FLI1: variants seen among roughly 807,000 people sequenced by gnomAD.
FLI1 encodes the protein Fli-1 proto-oncogene, ETS transcription factor.
A neutral mutation model predicts 53.1 loss-of-function variants in FLI1; 13 were observed. The ratio of observed to expected loss-of-function variants is 0.24; its 90% CI spans 0.16 to 0.39. The LOEUF (loss-of-function observed/expected upper bound fraction) is 0.39. Among genes scored for constraint, FLI1 ranks in the 10% least tolerant of loss-of-function variants. FLI1 has a pLI of 1.00. For synonymous variants in FLI1, 244 were observed against 236.7 expected, an observed-to-expected ratio of 1.03 and a Z score of -0.28; for missense variants, 424 against 600.5, an observed-to-expected ratio of 0.71 and a Z score of 3.07.
Position 128,810,865 on chromosome 11 carries a change from C to T in FLI1, c.1236C>T (p.Ser412=), listed in dbSNP as rs367970398. 51 of 1,614,086 alleles carry T rather than the reference C, an allele frequency of 3.2e-5. No homozygotes were observed. In the African/African-American group the frequency reaches 3.6e-4, roughly 11 times the overall value. The stretch of plus-strand genomic sequence containing the variant: ...ATCCATCCTCCATGCCTGTCACTTC[C>T]TCCAGCTTCTTTGGAGCCGCATCAC... ...PPHPSSMPVT[S]SSFFGAASQY... The change falls in exon 9 of 9, where the codon TCC becomes TCT. Residue 412 remains serine, a synonymous_variant. Coordinates refer to ENST00000527786, the MANE Select transcript of FLI1 (RefSeq NM_002017.5). The surrounding 1 kb of genome is among the most constrained non-coding windows in gnomAD (Gnocchi z 6.6).
intron 8 of FLI1, among the ~76,000 whole-genome samples, chr11:128,809,774 G>A (rs946571668): frequency 4.6e-5 from 7 of 152,098 alleles, no homozygotes; most frequent in South Asian, 4.1e-4. Flanking sequence ...GGCCCTTGTC[G>A]CAGTGTGGCC....
At chr11:128,809,339 T>A in intron 8 of FLI1, 135 bp downstream of exon 8, 1 of 782,418 alleles carries the variant, frequency 1.3e-6, no homozygotes, top group Non-Finnish European at 2.2e-6. Flanking sequence ...ATGTTCAATG[T>A]CTGTTTCTGG....
At chr11:128,757,044 T>TTTTA (rs1555116903) in intron 1 of FLI1, among the ~76,000 whole-genome samples, 6 of 107,114 alleles carry the variant, frequency 5.6e-5, no homozygotes, top group Non-Finnish European at 9.5e-5. Flanking sequence ...CTAGCTAATT[T>TTTTA]TTTCTTTCTT....
intron 1 of FLI1, among the ~76,000 whole-genome samples, chr11:128,740,431 C>T (rs1394477483): frequency 2.0e-5 from 3 of 152,216 alleles, no homozygotes; most frequent in Non-Finnish European, 2.9e-5. Context: ...ACTGTTGGCT[C>T]GCCAAAGAAC....
At chr11:128,797,317 C>T (rs1250335967) in intron 5 of FLI1, among the ~76,000 whole-genome samples, 1 of 152,176 alleles carries the variant, frequency 6.6e-6, no homozygotes, top group Non-Finnish European at 1.5e-5. Flanking sequence ...ACTTTGCTAT[C>T]CTACAACATA....
chr11:128,805,689 A>T lies in FLI1; in HGVS notation c.721+258A>T, dbSNP rs189215596. 4.8e-4 allele frequency: 220 copies of T among 456,760 alleles called. 6 individuals are homozygous for T. The South Asian group carries it at 6.2e-3, about 13-fold the overall frequency. 28.3% of individuals were successfully genotyped at this position (456,760 alleles called of 1,614,324 possible). On this transcript the variant is annotated intron_variant, in intron 6 of 8. Coordinates refer to ENST00000527786, the MANE Select transcript of FLI1 (RefSeq NM_002017.5). ...TGGGAAATTTGAAGGTTTTCTTGAG[A>T]CAAGGTTCTGTACCAATGAATGGTC...
At chr11:128,725,647 C>CTCT (rs1565468106) in intron 1 of FLI1, among the ~76,000 whole-genome samples, 5 of 37,966 alleles carry the variant, frequency 1.3e-4, no homozygotes, top group African/African-American at 2.8e-4. Flanking sequence ...ATTCTCTCTC[C>CTCT]CTCTCTCTCT....
At chr11:128,756,286 T>C (rs1171507810) in intron 1 of FLI1, among the ~76,000 whole-genome samples, 3 of 152,152 alleles carry the variant, frequency 2.0e-5, no homozygotes, top group African/African-American at 7.2e-5. Context: ...CAGAGGCCTC[T>C]CTCCTTGGCT....
At chr11:128,708,609 T>C (rs1234645152) in intron 1 of FLI1, among the ~76,000 whole-genome samples, 1 of 152,180 alleles carries the variant, frequency 6.6e-6, no homozygotes, top group African/African-American at 2.4e-5. Flanking sequence ...TAAGGCTTCT[T>C]GATGATCCTC....
chr11:128,686,008 C>G (rs1192994895), upstream of FLI1: 3 of 230,754 alleles, frequency 1.3e-5, no homozygotes, highest in Non-Finnish European at 2.7e-5. Flanking sequence ...TTGTAGCAGT[C>G]TCTTCCCAAA....
chr11:128,796,097 C>CG (rs1942436240), intron 5 of FLI1, among the ~76,000 whole-genome samples: 1 of 152,144 alleles, frequency 6.6e-6, no homozygotes. Flanking sequence ...TTCTGACCCC[C>CG]CAGCCCAGAG....
rs539317332 is a variant in FLI1, at chr11:128,731,557, C to CA, written c.19-26552dup. ...AACAAAACAAAAAACAAAAATAAAACAAAAAACAAACAAAAAAACCCTTCC... is the reference window on the plus strand; with the variant it reads ...AACAAAACAAAAAACAAAAATAAAACAAAAAAACAAACAAAAAAACCCTTCC... On this transcript the variant is annotated intron_variant, in intron 1 of 8. Transcript: ENST00000527786. Among the ~76,000 whole-genome samples, 80 of 148,046 alleles carry CA rather than the reference C, an allele frequency of 5.4e-4. No individual in the cohort carries two copies. The South Asian group carries it at 8.5e-3, about 16-fold the overall frequency.
chr11:128,792,701 A>C (rs1271661713), intron 5 of FLI1, among the ~76,000 whole-genome samples: 1 of 152,194 alleles, frequency 6.6e-6, no homozygotes, highest in Non-Finnish European at 1.5e-5. Context: ...TAATTTATAT[A>C]ATTATACACA....
intron 1 of FLI1, among the ~76,000 whole-genome samples, chr11:128,713,165 C>G (rs73571677): frequency 0.088 from 13,328 of 152,218 alleles, 1,183 homozygotes; most frequent in African/African-American, 0.23. Flanking sequence ...AGGTCCAACT[C>G]TATGTAATGG....
rs187703051 is a variant in FLI1 at position 128,809,310 on chromosome 11, A to G, written c.829+106A>G. ...TCCAGACACCTGAGTGGGGAGTAAC[A>G]TGCACGTCTTTCCTTGAAATGTTCA... On this transcript the variant is annotated intron_variant, in intron 8 of 8. Transcript: ENST00000527786. 55 of 925,976 alleles carry G rather than the reference A, an allele frequency of 5.9e-5. No homozygotes were observed. In the Middle Eastern group the frequency reaches 8.6e-4, roughly 14 times the overall value. 57.4% of individuals were successfully genotyped at this position (925,976 alleles called of 1,614,324 possible). A position where few individuals can be genotyped will look rare whatever the true frequency, so the allele number is the denominator to read the frequency against.
intron 1 of FLI1, among the ~76,000 whole-genome samples, chr11:128,734,389 A>G (rs1051017981): frequency 6.6e-6 from 1 of 152,256 alleles, no homozygotes; most frequent in Non-Finnish European, 1.5e-5. Flanking sequence ...GACCAAGATC[A>G]TAGGGAAAAG....
intron 2 of FLI1, chr11:128,764,554 G>A: frequency 8.8e-7 from 1 of 1,130,776 alleles, no homozygotes; most frequent in Non-Finnish European, 1.3e-6. Context: ...GTAAGTGCAG[G>A]TCTTAATACA....
intron 1 of FLI1, among the ~76,000 whole-genome samples, chr11:128,722,814 C>T (rs960600032): frequency 2.6e-5 from 4 of 152,154 alleles, no homozygotes; most frequent in Admixed American, 6.6e-5. Flanking sequence ...TGCAGTCATT[C>T]TCCTATCGAG....
At chr11:128,759,131 T>C (rs980965301) in intron 2 of FLI1, among the ~76,000 whole-genome samples, 2 of 152,220 alleles carry the variant, frequency 1.3e-5, no homozygotes, top group Non-Finnish European at 2.9e-5. Context: ...AAGTGCTCTA[T>C]AGTGACAGTG....
Sources: gnomAD v4.1 joint callset for allele counts (sites outside exome capture counted in the v4.1 genomes callset) on GRCh38, gnomAD v4.1.1 for gene constraint, Gnocchi (gnomAD v3.1) non-coding constraint, MANE v1.5 for transcripts, NCBI Gene and HGNC (gene_info 2026-07-23, HGNC 2026-07-21) for gene names.